The following GPC5 variants were observed in gnomAD, a reference collection of about 807,000 sequenced individuals.
GPC5 encodes the protein glypican 5, also known as glypican-5.
Under a neutral mutation model 53.9 loss-of-function variants are expected in GPC5, and 47 were observed. The ratio of observed to expected loss-of-function variants is 0.87; its 90% CI spans 0.69 to 1.11. The LOEUF (loss-of-function observed/expected upper bound fraction) is 1.11, where lower values mean the gene tolerates loss of function less well. Ranked by LOEUF, GPC5 falls within the 50% of genes most tolerant of loss-of-function variation. GPC5 has a pLI of 0.00. For missense variants in GPC5, 748 were observed against 713.1 expected, an observed-to-expected ratio of 1.05 and a Z score of -0.56; for synonymous variants, 286 against 263.3, an observed-to-expected ratio of 1.09 and a Z score of -0.84.
rs553652829 is a variant in GPC5, at chr13:92,590,838, T to C, written c.1562-275444T>C. 4.6e-5 allele frequency among the ~76,000 whole-genome samples: 7 copies of C among 152,316 alleles called. No homozygotes were observed. In the East Asian group the frequency reaches 1.2e-3, roughly 25 times the overall value. The stretch of plus-strand genomic sequence containing the variant: ...GCTTTAGATAAGCCCTTTTGAATAG[T>C]TCTCCCTATCCAGATAGCTATGAGC... On this transcript the variant is annotated intron_variant, in intron 7 of 7. Coordinates refer to ENST00000377067, the MANE Select transcript of GPC5 (RefSeq NM_004466.6).
intron 7 of GPC5, among the ~76,000 whole-genome samples, chr13:92,663,083 A>G (rs1286418687): frequency 6.6e-6 from 1 of 152,226 alleles, no homozygotes; most frequent in Admixed American, 6.5e-5. Flanking sequence ...TTAATATGCT[A>G]TAACAGTGGG....
intron 7 of GPC5, among the ~76,000 whole-genome samples, chr13:92,482,100 C>T (rs752756075): frequency 4.6e-5 from 7 of 151,792 alleles, no homozygotes; most frequent in Non-Finnish European, 1.0e-4. Context: ...CATTGCACTC[C>T]AGCCTGGGCA....
intron 6 of GPC5, among the ~76,000 whole-genome samples, chr13:92,029,062 C>T (rs2040821462): frequency 1.3e-5 from 2 of 152,158 alleles, no homozygotes; most frequent in Admixed American, 6.5e-5. Context: ...TTAACTCAAA[C>T]TTTCTCATAT....
intron 6 of GPC5, among the ~76,000 whole-genome samples, chr13:91,977,145 C>A (rs116821494): frequency 0.022 from 3,359 of 151,872 alleles, 92 homozygotes; most frequent in African/African-American, 0.067. Flanking sequence ...TTCTATGGAC[C>A]AATTGGGCCA....
intron 2 of GPC5, among the ~76,000 whole-genome samples, chr13:91,581,133 T>C (rs1473838510): frequency 6.6e-6 from 1 of 152,042 alleles, no homozygotes; most frequent in Admixed American, 6.5e-5. Flanking sequence ...CCATCACACA[T>C]GGGGATTGTG....
At chr13:92,495,171 AT>A (rs1317699893) in intron 7 of GPC5, among the ~76,000 whole-genome samples, 6 of 152,344 alleles carry the variant, frequency 3.9e-5, no homozygotes, top group Middle Eastern at 3.4e-3. Flanking sequence ...TGCCAATGTC[AT>A]TATGGACATA....
rs543984237 is a variant in GPC5 at position 92,632,527 on chromosome 13, C to T, written c.1562-233755C>T. The stretch of plus-strand genomic sequence containing the variant: ...ACACACACATATACATACACACACA[C>T]AAGCTACCTGTATAGTTTATATATT... On this transcript the variant is annotated intron_variant, in intron 7 of 7. Coordinates refer to ENST00000377067, the MANE Select transcript of GPC5 (RefSeq NM_004466.6). Among the ~76,000 whole-genome samples, 4 of 148,818 alleles carry T rather than the reference C, an allele frequency of 2.7e-5. No homozygotes were observed. In the South Asian group the frequency reaches 8.4e-4, roughly 31 times the overall value.
intron 7 of GPC5, among the ~76,000 whole-genome samples, chr13:92,394,977 T>C (rs960446745): frequency 2.0e-5 from 3 of 152,184 alleles, no homozygotes; most frequent in Admixed American, 2.0e-4. Flanking sequence ...GTTAAATTTT[T>C]AACCTATTTA....
At chr13:92,454,246 A>C (rs2139402045) in intron 7 of GPC5, among the ~76,000 whole-genome samples, 1 of 152,286 alleles carries the variant, frequency 6.6e-6, no homozygotes, top group African/African-American at 2.4e-5. Context: ...CCTTTTACAA[A>C]ATTTAATAAT....
At chr13:92,283,461 A>G (rs1219955157) in intron 7 of GPC5, among the ~76,000 whole-genome samples, 2 of 152,194 alleles carry the variant, frequency 1.3e-5, no homozygotes, top group Non-Finnish European at 1.5e-5. Context: ...ACCACATCAC[A>G]CTTATTCCAA....
At chr13:92,492,841 C>T (rs1015763624) in intron 7 of GPC5, among the ~76,000 whole-genome samples, 80 of 152,262 alleles carry the variant, frequency 5.3e-4, no homozygotes, top group African/African-American at 1.9e-3. Context: ...GTTGTCCAGT[C>T]AGTTATTTGT....
intron 6 of GPC5, among the ~76,000 whole-genome samples, chr13:92,078,134 C>A (rs2041267761): frequency 6.6e-6 from 1 of 152,058 alleles, no homozygotes; most frequent in African/African-American, 2.4e-5. Flanking sequence ...AGCTAAAGAC[C>A]ATTTACAATA....
chr13:92,549,848 T>C (rs1399017452), intron 7 of GPC5, among the ~76,000 whole-genome samples: 1 of 149,680 alleles, frequency 6.7e-6, no homozygotes, highest in Non-Finnish European at 1.5e-5. Context: ...AAGGTAGGGG[T>C]AAAAGGGGGA....
At chr13:91,606,292 C>G (rs1039430667) in intron 2 of GPC5, among the ~76,000 whole-genome samples, 1 of 150,132 alleles carries the variant, frequency 6.7e-6, no homozygotes, top group Non-Finnish European at 1.5e-5. Context: ...GCCTTGCATC[C>G]CAGGGATGAA....
chr13:92,372,444 A>G (rs1297312617), intron 7 of GPC5, among the ~76,000 whole-genome samples: 5 of 152,182 alleles, frequency 3.3e-5, no homozygotes, highest in African/African-American at 1.2e-4. Flanking sequence ...AATTTTAACC[A>G]AGCTTTTTAT....
Position 92,829,578 on chromosome 13 carries a change from G to C in GPC5, c.1562-36704G>C, listed in dbSNP as rs541132737. ...GTCTTATCTTCTATTAGTCAAAACA[G>C]AATACAATTCTCAGTGGAGACATTT... is the stretch of plus-strand genomic sequence containing the variant. On this transcript the variant is annotated intron_variant, in intron 7 of 7. Coordinates refer to ENST00000377067, the MANE Select transcript of GPC5 (RefSeq NM_004466.6). Among the ~76,000 whole-genome samples the C allele has an allele frequency of 3.9e-5, 6 of 152,228 alleles. No homozygotes were observed. In the East Asian group the frequency reaches 1.2e-3, roughly 29 times the overall value.
At chr13:91,991,764 G>A (rs967536320) in intron 6 of GPC5, among the ~76,000 whole-genome samples, 2 of 152,100 alleles carry the variant, frequency 1.3e-5, no homozygotes, top group African/African-American at 4.8e-5. Flanking sequence ...ATTGGTTCAT[G>A]AATTCTATTT....
chr13:92,456,325 A>G lies in GPC5; in HGVS notation c.1561+311336A>G, dbSNP rs558695296. Among the ~76,000 whole-genome samples the G allele has an allele frequency of 2.0e-5, 3 of 152,326 alleles. No individual in the cohort carries two copies. The East Asian group carries it at 5.8e-4, about 29-fold the overall frequency. Reference sequence around the variant, plus strand: ...CTGCTGTACAGTTTTACTTGAATATACAACAGGTGGCTCTAAATCACTATG... The same window carrying G: ...CTGCTGTACAGTTTTACTTGAATATGCAACAGGTGGCTCTAAATCACTATG... On this transcript the variant is annotated intron_variant, in intron 7 of 7. Transcript: ENST00000377067.
At chr13:92,591,752 C>T (rs1369540086) in intron 7 of GPC5, among the ~76,000 whole-genome samples, 1 of 152,076 alleles carries the variant, frequency 6.6e-6, no homozygotes, top group Non-Finnish European at 1.5e-5. Flanking sequence ...CTCCCCCACC[C>T]CCCAACCACC....
Sources: allele counts gnomAD v4.1 joint callset (sites outside exome capture counted in the v4.1 genomes callset), GRCh38; gene constraint gnomAD v4.1.1; transcripts MANE v1.5; gene names NCBI Gene and HGNC (gene_info 2026-07-23, HGNC 2026-07-21).